Variants in KCNMB2 observed in about 807,000 individuals in gnomAD.
The protein encoded by KCNMB2 is potassium calcium-activated channel subfamily M regulatory beta subunit 2, also known as calcium-activated potassium channel subunit beta-2.
A neutral mutation model predicts 24.5 loss-of-function variants in KCNMB2; 9 were observed. The observed-to-expected ratio is 0.37, with a 90% confidence interval of 0.22 to 0.64. KCNMB2 has a LOEUF of 0.64. Ranked by LOEUF, KCNMB2 falls within the 30% of genes least tolerant of loss-of-function variation. KCNMB2 has a pLI of 0.63. For missense variants in KCNMB2, 226 were observed against 284.3 expected, an observed-to-expected ratio of 0.79 and a Z score of 1.47; for synonymous variants, 109 against 104.4, an observed-to-expected ratio of 1.04 and a Z score of -0.27.
At chr3:178,815,170 G>T (rs145324473) in intron 2 of KCNMB2, among the ~76,000 whole-genome samples, 1 of 151,886 alleles carries the variant, frequency 6.6e-6, no homozygotes, top group East Asian at 1.9e-4. Context: ...AAAGGGTCTC[G>T]CTCTGTCACA....
intron 1 of KCNMB2, among the ~76,000 whole-genome samples, chr3:178,657,320 T>G (rs1238442129): frequency 1.3e-5 from 2 of 152,240 alleles, no homozygotes; most frequent in African/African-American, 4.8e-5. Flanking sequence ...CTTTCATTGC[T>G]GATTCTTAGT....
At chr3:178,715,411 C>T (rs567321574) in intron 1 of KCNMB2, among the ~76,000 whole-genome samples, 13 of 146,040 alleles carry the variant, frequency 8.9e-5, no homozygotes, top group African/African-American at 3.1e-4. Flanking sequence ...TTGGTTGAGG[C>T]AAATAGAGAA....
intron 1 of KCNMB2, among the ~76,000 whole-genome samples, chr3:178,568,032 T>A (rs921151683): frequency 6.6e-6 from 1 of 152,196 alleles, no homozygotes; most frequent in Non-Finnish European, 1.5e-5. Flanking sequence ...TAAGAAAACA[T>A]AGAAATGTGT....
intron 1 of KCNMB2, among the ~76,000 whole-genome samples, chr3:178,767,826 C>A (rs1344047972): frequency 6.6e-6 from 1 of 152,200 alleles, no homozygotes; most frequent in Non-Finnish European, 1.5e-5. Context: ...CAGCCCAAGG[C>A]TGAGGGTTTT....
chr3:178,819,134 T>G (rs1039415566), intron 2 of KCNMB2, among the ~76,000 whole-genome samples: 1 of 152,188 alleles, frequency 6.6e-6, no homozygotes, highest in African/African-American at 2.4e-5. Flanking sequence ...TATTTGGCCC[T>G]TTTCTGTTTT....
chr3:178,648,052 A>G (rs7615444), intron 1 of KCNMB2, among the ~76,000 whole-genome samples: 2 of 151,862 alleles, frequency 1.3e-5, no homozygotes. Flanking sequence ...TTCTTAGCTC[A>G]TGACACACTC....
At chr3:178,563,292 T>C (rs189485053) in intron 1 of KCNMB2, among the ~76,000 whole-genome samples, 2 of 152,262 alleles carry the variant, frequency 1.3e-5, no homozygotes, top group East Asian at 3.8e-4. Context: ...TAAAGTAGTA[T>C]CTGCACAGAG....
intron 1 of KCNMB2, among the ~76,000 whole-genome samples, chr3:178,594,357 C>T (rs575657367): frequency 1.3e-5 from 2 of 152,130 alleles, no homozygotes; most frequent in African/African-American, 4.8e-5. Context: ...ATTACATTAA[C>T]CTGAGCAAGA....
chr3:178,633,668 C>T (rs1719410221), intron 1 of KCNMB2, among the ~76,000 whole-genome samples: 1 of 152,228 alleles, frequency 6.6e-6, no homozygotes. Flanking sequence ...GGAGGGGCTG[C>T]CATGAAGGTC....
At position 178,784,696 on chromosome 3, in the gene KCNMB2, T is replaced by A. The variant is rs148517405; in HGVS notation, c.-67-22647T>A. Among the ~76,000 whole-genome samples, 823 of 150,926 alleles carry A rather than the reference T, an allele frequency of 5.5e-3. 5 individuals carry two copies. Among genetic ancestry groups the A allele is most frequent in the Admixed American group, 0.024 (353 of 15,018 alleles). On this transcript the variant is annotated intron_variant, in intron 1 of 4. Coordinates refer to ENST00000452583, the MANE Select transcript of KCNMB2 (RefSeq NM_181361.3). ...TTGACCTGTAGCCATCCAAAGAGAA[T>A]CATTATTCCTGTTAACTGATTTTTT...
At chr3:178,778,771 G>A (rs2108429070) in intron 1 of KCNMB2, among the ~76,000 whole-genome samples, 1 of 152,246 alleles carries the variant, frequency 6.6e-6, no homozygotes, top group Middle Eastern at 3.4e-3. Flanking sequence ...CCGACTCCTG[G>A]CACCTGGCCA....
At chr3:178,668,322 A>G (rs1720789105) in intron 1 of KCNMB2, among the ~76,000 whole-genome samples, 1 of 152,094 alleles carries the variant, frequency 6.6e-6, no homozygotes, top group Non-Finnish European at 1.5e-5. Context: ...ATATTTTCAG[A>G]GAAGATAAAG....
chr3:178,738,935 G>A (rs960653075), intron 1 of KCNMB2, among the ~76,000 whole-genome samples: 1 of 151,936 alleles, frequency 6.6e-6, no homozygotes. Flanking sequence ...AATACCTACT[G>A]AATCAGTCTG....
At chr3:178,564,433 G>T (rs1473018453) in intron 1 of KCNMB2, among the ~76,000 whole-genome samples, 1 of 152,162 alleles carries the variant, frequency 6.6e-6, no homozygotes, top group Non-Finnish European at 1.5e-5. Context: ...TGAGAACAGG[G>T]CACTTAATCC....
Position 178,844,023 on chromosome 3 carries a change from A to G in KCNMB2, c.*1086A>G, listed in dbSNP as rs1344600455. The G allele has an allele frequency of 6.6e-6, 1 of 152,564 alleles. No individual in the cohort carries two copies. The highest frequency in any genetic ancestry group is 1.5e-5 in the Non-Finnish European group (1 of 67,976). 9.5% of individuals were successfully genotyped at this position (152,564 alleles called of 1,614,324 possible). On this transcript the variant is annotated 3_prime_UTR_variant, in exon 5 of 5. Coordinates refer to ENST00000452583, the MANE Select transcript of KCNMB2 (RefSeq NM_181361.3). ...TCCCTTTTTTGTTGTTATATTTTATACACAGAATAGATCTTTTTTCTAACA... is the reference window on the plus strand; with the variant it reads ...TCCCTTTTTTGTTGTTATATTTTATGCACAGAATAGATCTTTTTTCTAACA...
At chr3:178,738,127 C>T (rs1236407746) in intron 1 of KCNMB2, among the ~76,000 whole-genome samples, 2 of 152,102 alleles carry the variant, frequency 1.3e-5, no homozygotes, top group Admixed American at 1.3e-4. Context: ...AACTCCTCCC[C>T]CTCCACTACT....
chr3:178,813,871 A>G (rs2108457702), intron 2 of KCNMB2, among the ~76,000 whole-genome samples: 1 of 152,336 alleles, frequency 6.6e-6, no homozygotes, highest in South Asian at 2.1e-4. Flanking sequence ...TGAATTGACC[A>G]ATATGAAGAT....
At chr3:178,622,006 C>T (rs1378005247) in intron 1 of KCNMB2, among the ~76,000 whole-genome samples, 4 of 152,208 alleles carry the variant, frequency 2.6e-5, no homozygotes, top group Non-Finnish European at 4.4e-5. Flanking sequence ...GTTGTTTAAG[C>T]TCTCTGGGGC....
intron 1 of KCNMB2, among the ~76,000 whole-genome samples, chr3:178,771,967 T>C (rs955485237): frequency 6.6e-6 from 1 of 152,162 alleles, no homozygotes; most frequent in Non-Finnish European, 1.5e-5. Flanking sequence ...ACCTCATTGC[T>C]AAATTTCTTA....
Sources: gnomAD v4.1 joint callset for allele counts (sites outside exome capture counted in the v4.1 genomes callset) on GRCh38, gnomAD v4.1.1 for gene constraint, MANE v1.5 for transcripts, NCBI Gene and HGNC (gene_info 2026-07-23, HGNC 2026-07-21) for gene names.